The following KRAS variants were observed in gnomAD, a reference collection of about 807,000 sequenced individuals.
KRAS encodes the protein KRas proto-oncogene, GTPase.
KRAS carries 1 observed loss-of-function variant against 21.0 expected under a neutral mutation model. The ratio of observed to expected loss-of-function variants is 0.05; its 90% CI spans 0.02 to 0.23. The LOEUF (loss-of-function observed/expected upper bound fraction) is 0.23, where lower values mean the gene tolerates loss of function less well. KRAS is among the 10% of genes least tolerant of loss of function. The probability of loss-of-function intolerance (pLI) is 1.00; values close to 1 mark genes in which losing one functional copy is unlikely to be tolerated. For synonymous variants in KRAS, 67 were observed against 72.5 expected (o/e 0.92, Z 0.39); for missense variants, 107 against 221.8 (o/e 0.48, Z 3.29).
rs1951239376 is a variant in KRAS, at chr12:25,215,098, A to G, written c.451-5187T>C. ...ATATCTTTTTCTCCCTACTAAAAAA[A>G]AAAAAAAAAAAAAAAAAGCTGCTGA... On this transcript the variant is annotated intron_variant, in intron 4 of 4. Coordinates refer to ENST00000311936, the MANE Select transcript of KRAS (RefSeq NM_004985.5). The G allele has an allele frequency of 1.1e-5, 3 of 268,598 alleles. No individual in the cohort carries two copies. In the Admixed American group the frequency reaches 2.0e-4, roughly 18 times the overall value. The allele number at this position is 268,598 out of a possible 1,614,324, so 16.6% of individuals were successfully genotyped here.
intron 4 of KRAS, among the ~76,000 whole-genome samples, chr12:25,222,312 A>G (rs180852325): frequency 5.5e-4 from 84 of 152,276 alleles, no homozygotes; most frequent in African/African-American, 1.9e-3. Context: ...TTCATTTTAT[A>G]ATCTCTACAG....
chr12:25,231,457 T>G (rs1301078019), intron 2 of KRAS, among the ~76,000 whole-genome samples: 1 of 152,126 alleles, frequency 6.6e-6, no homozygotes, highest in Non-Finnish European at 1.5e-5. Context: ...CAAAAATACT[T>G]CTAGGTCCTA....
intron 4 of KRAS, among the ~76,000 whole-genome samples, chr12:25,220,346 A>G (rs1182774296): frequency 6.6e-6 from 1 of 152,238 alleles, no homozygotes; most frequent in Non-Finnish European, 1.5e-5. Flanking sequence ...TGTAAAGAAT[A>G]TGTAACGCAT....
chr12:25,244,997 T>C (rs1951659691), intron 2 of KRAS, among the ~76,000 whole-genome samples: 1 of 152,144 alleles, frequency 6.6e-6, no homozygotes, highest in Admixed American at 6.5e-5. Context: ...TAGGTCCAGA[T>C]AGGATACAAA....
chr12:25,229,679 T>G (rs907912195), intron 2 of KRAS, among the ~76,000 whole-genome samples: 2 of 152,116 alleles, frequency 1.3e-5, no homozygotes, highest in Non-Finnish European at 2.9e-5. Flanking sequence ...AATCATGAAA[T>G]AAGAAGCAGG....
rs1565884900 is a variant in KRAS at position 25,227,263 on chromosome 12, A to C, written c.261T>G (p.Thr87=). The change falls in exon 3 of 5, where the codon ACT becomes ACG. Residue 87 remains threonine (T), a synonymous_variant. Transcript: ENST00000311936. ...GFLCVFAINN[T]KSFEDIHHYR... is the part of the protein sequence containing the mutation. ...AATGGTGAATATCTTCAAATGATTTAGTATTATTTATGGCAAATACACAAA... is the reference window on the plus strand; with the variant it reads ...AATGGTGAATATCTTCAAATGATTTCGTATTATTTATGGCAAATACACAAA... The C allele has an allele frequency of 1.2e-6, 2 of 1,613,476 alleles. No individual in the cohort carries two copies. The highest frequency in any genetic ancestry group is 1.7e-4 in the Middle Eastern group (1 of 6,060).
chr12:25,207,891 C>T lies in KRAS; in HGVS notation c.*1904G>A. ...CAGTGGGAAAACTTCATGGAGATAT[C>T]CACAGCAGCAGTAAATCTTATGGTT... is the stretch of plus-strand genomic sequence containing the variant. On this transcript the variant is annotated 3_prime_UTR_variant, in exon 5 of 5. Transcript: ENST00000311936. The T allele has an allele frequency of 4.3e-6, 1 of 233,142 alleles. No homozygotes were observed. The highest frequency in any genetic ancestry group is 8.5e-6 in the Non-Finnish European group (1 of 118,016). 14.4% of individuals were successfully genotyped at this position (233,142 alleles called of 1,614,324 possible). A position where few individuals can be genotyped will look rare whatever the true frequency, so the allele number is the denominator to read the frequency against.
At chr12:25,221,597 T>TA (rs1006205383) in intron 4 of KRAS, among the ~76,000 whole-genome samples, 11 of 151,234 alleles carry the variant, frequency 7.3e-5, no homozygotes, top group East Asian at 3.9e-4. Flanking sequence ...GGGTCATAAT[T>TA]AAAAAAAAAT....
At chr12:25,215,993 G>A (rs1951250665) in intron 4 of KRAS, among the ~76,000 whole-genome samples, 1 of 152,032 alleles carries the variant, frequency 6.6e-6, no homozygotes. Flanking sequence ...AGAATGAGAA[G>A]AAAAATGGTA....
rs1234670869 is a variant in KRAS at position 25,205,393 on chromosome 12, G to T, written c.*4402C>A. The stretch of plus-strand genomic sequence containing the variant: ...AATTAAAAGAGTGGTCATTTTTAAT[G>T]TTTGATATGACCAACATTCCTAGGT... On this transcript the variant is annotated 3_prime_UTR_variant, in exon 5 of 5. Coordinates refer to ENST00000311936, the MANE Select transcript of KRAS (RefSeq NM_004985.5). 2 of 215,110 alleles carry T rather than the reference G, an allele frequency of 9.3e-6. No homozygotes were observed. Among genetic ancestry groups the T allele is most frequent in the Non-Finnish European group, 1.9e-5 (2 of 106,372 alleles). The allele number at this position is 215,110 out of a possible 1,614,324, so 13.3% of individuals were successfully genotyped here. A position where few individuals can be genotyped will look rare whatever the true frequency, so the allele number is the denominator to read the frequency against.
intron 4 of KRAS, among the ~76,000 whole-genome samples, chr12:25,220,686 C>T (rs1025805005): frequency 1.3e-5 from 2 of 149,014 alleles, no homozygotes; most frequent in South Asian, 2.1e-4. Flanking sequence ...AGGATCGCGC[C>T]ACTGCACTCC....
intron 1 of KRAS, among the ~76,000 whole-genome samples, chr12:25,246,543 G>A (rs984448845): frequency 1.5e-4 from 23 of 152,032 alleles, no homozygotes; most frequent in African/African-American, 4.8e-4. Flanking sequence ...GGGTGACGGA[G>A]TAAGACTCCA....
chr12:25,223,175 A>C (rs1320113862), intron 4 of KRAS, among the ~76,000 whole-genome samples: 1 of 152,208 alleles, frequency 6.6e-6, no homozygotes, highest in Admixed American at 6.5e-5. Flanking sequence ...ATGTAAGCTA[A>C]AATGTTCAGT....
Position 25,209,928 on chromosome 12 carries a change from G to C in KRAS, c.451-17C>G. ...ATCAACACCCTGAAATACATAAAAA[G>C]TATTAAAATGTGAATATATACGATG... On this transcript the variant is annotated splice_polypyrimidine_tract_variant and intron_variant, in intron 4 of 4. Transcript: ENST00000311936. The C allele has an allele frequency of 6.3e-7, 1 of 1,585,378 alleles. No homozygotes were observed. The highest frequency in any genetic ancestry group is 1.1e-5 in the South Asian group (1 of 88,474).
intron 4 of KRAS, chr12:25,215,308 C>A (rs1053883616): frequency 2.9e-6 from 4 of 1,382,090 alleles, no homozygotes; most frequent in Admixed American, 4.6e-5. Flanking sequence ...ATTATGGAAA[C>A]AAGTTTCTTA....
intron 2 of KRAS, among the ~76,000 whole-genome samples, chr12:25,243,883 C>A (rs913754847): frequency 6.6e-6 from 1 of 152,198 alleles, no homozygotes; most frequent in Non-Finnish European, 1.5e-5. Flanking sequence ...GAGACTATTG[C>A]ATAGGCAGTC....
At chr12:25,228,178 C>CTTTTTTTTTT (rs34584556) in intron 2 of KRAS, among the ~76,000 whole-genome samples, 8 of 76,776 alleles carry the variant, frequency 1.0e-4, no homozygotes, top group Non-Finnish European at 1.4e-4. Context: ...TTTCTTTCAT[C>CTTTTTTTTTT]TTTTTTTTTT....
Position 25,238,367 on chromosome 12 carries a change from G to A in KRAS, c.111+6907C>T, listed in dbSNP as rs926975728. 4.6e-5 allele frequency among the ~76,000 whole-genome samples: 7 copies of A among 152,156 alleles called. No homozygotes were observed. The South Asian group carries it at 6.2e-4, about 13-fold the overall frequency. ...GTAAGAATGAGAGGCTGGAATGACC[G>A]TGGATCCAATCTTAATGCCAATATA... On this transcript the variant is annotated intron_variant, in intron 2 of 4. Coordinates refer to ENST00000311936, the MANE Select transcript of KRAS (RefSeq NM_004985.5).
Position 25,209,805 on chromosome 12 carries a change from A to G in KRAS, c.557T>C (p.Val186Ala). The change falls in exon 5 of 5, where the codon GTA becomes GCA. Residue 186 changes from valine (V) to alanine (A), a missense_variant. Val to Ala is a moderately conservative substitution (Grantham distance 64, BLOSUM62 0). Around this residue, in one of 2 missense-constraint regions of KRAS, gnomAD observed 65 missense variants for 82.3 expected, o/e 0.79. Transcript: ENST00000311936. ...KKKKKSKTKC[V>A]IM ...AAGTACAAATTGTATTTACATAATT[A>G]CACACTTTGTCTTTGACTTCTTTTT... The G allele has an allele frequency of 2.5e-6, 4 of 1,608,570 alleles. No homozygotes were observed. The highest frequency in any genetic ancestry group is 3.4e-6 in the Non-Finnish European group (4 of 1,175,700).
Sources: allele counts gnomAD v4.1 joint callset (sites outside exome capture counted in the v4.1 genomes callset), GRCh38; gene constraint gnomAD v4.1.1; regional missense constraint gnomAD v4.1.1; transcripts MANE v1.5; gene names NCBI Gene and HGNC (gene_info 2026-07-23, HGNC 2026-07-21).